Variants in PRKAR1A observed in about 807,000 individuals in gnomAD.
PRKAR1A encodes the protein protein kinase cAMP-dependent type I regulatory subunit alpha.
A neutral mutation model predicts 52.0 loss-of-function variants in PRKAR1A; 3 were observed. The observed-to-expected ratio is 0.06, with a 90% confidence interval of 0.03 to 0.15. The LOEUF (loss-of-function observed/expected upper bound fraction) is 0.15, where lower values mean the gene tolerates loss of function less well. Among genes scored for constraint, PRKAR1A ranks in the 10% least tolerant of loss-of-function variants. The pLI is 1.00. For missense variants in PRKAR1A, 240 were observed against 477.4 expected (o/e 0.50, Z 4.63); for synonymous variants, 188 against 168.4 (o/e 1.12, Z -0.90).
At chr17:68,523,653 T>G in intron 3 of PRKAR1A, 72 bp from the exon 4 acceptor site, 1 of 1,168,888 alleles carries the variant, frequency 8.6e-7, no homozygotes, top group Non-Finnish European at 1.3e-6. Context: ...GACATTTAAT[T>G]GAAGCGCAGG....
the PRKAR1A span, chr17:68,452,821 T>C: frequency 1.7e-6 from 2 of 1,205,128 alleles, no homozygotes; most frequent in South Asian, 1.3e-5. Flanking sequence ...AAGGGAAAAA[T>C]AGGCAGCTTG....
At chr17:68,490,591 C>CT in the PRKAR1A span, among the ~76,000 whole-genome samples, 29 of 150,470 alleles carry the variant, frequency 1.9e-4, 1 homozygote, top group Admixed American at 1.1e-3. Flanking sequence ...CAAAGGAAAA[C>CT]TTTTTTTTTT....
At chr17:68,520,725 A>G (rs148936989) in intron 2 of PRKAR1A, among the ~76,000 whole-genome samples, 152 of 152,312 alleles carry the variant, frequency 1.0e-3, no homozygotes, top group African/African-American at 3.4e-3. Context: ...GCTGTTTTTA[A>G]AAGACTCACT....
At chr17:68,512,711 C>G (rs937375775) in intron 1 of PRKAR1A, 163 bp downstream of exon 1, 1 of 152,172 alleles carries the variant, frequency 6.6e-6, no homozygotes, top group African/African-American at 2.4e-5. Flanking sequence ...CCCCGCAGGC[C>G]TCACGCCCCC....
the PRKAR1A span, chr17:68,435,497 A>G: frequency 3.1e-6 from 3 of 955,166 alleles, no homozygotes; most frequent in Non-Finnish European, 5.0e-6. Context: ...TCTGAAACAA[A>G]TTCTGAGTGG....
At chr17:68,430,024 C>T in the PRKAR1A span, 88 of 1,613,948 alleles carry the variant, frequency 5.5e-5, no homozygotes, top group East Asian at 6.7e-5. Flanking sequence ...TTCCTCTGTC[C>T]GGAGAAGTTC....
At chr17:68,477,832 C>T in the PRKAR1A span, among the ~76,000 whole-genome samples, 1 of 152,040 alleles carries the variant, frequency 6.6e-6, no homozygotes, top group South Asian at 2.1e-4. Context: ...AAGCGATTCT[C>T]CCACCTCAGC....
At chr17:68,537,761 G>C (rs1173191925), downstream of PRKAR1A, 1 of 1,602,462 alleles carries the variant, frequency 6.2e-7, no homozygotes, top group African/African-American at 1.3e-5. The surrounding 1 kb of genome is among the most constrained non-coding windows in gnomAD (Gnocchi z 4.2). Flanking sequence ...CAAAGTTACA[G>C]GAACCAAATA....
chr17:68,467,969 A>G, the PRKAR1A span, among the ~76,000 whole-genome samples: 1 of 152,032 alleles, frequency 6.6e-6, no homozygotes, highest in Admixed American at 6.6e-5. Context: ...ATCATGGCTC[A>G]CTGCAGCATT....
At chr17:68,426,254 G>GGGGGCCCCCCCCCCCCCC in the PRKAR1A span, 1 of 816,916 alleles carries the variant, frequency 1.2e-6, no homozygotes. Context: ...GGGAGCGGGG[G>GGGGGCCCCCCCCCCCCCC]CTCAAATAAA....
the PRKAR1A span, among the ~76,000 whole-genome samples, chr17:68,483,122 T>G: frequency 1.6e-5 from 1 of 60,992 alleles, no homozygotes; most frequent in Admixed American, 1.3e-4. Flanking sequence ...CTAGTTTGAG[T>G]TTTTTTTTTT....
rs771192586 is a variant in PRKAR1A at position 68,522,748 on chromosome 17, T to G, written c.178-8T>G. On this transcript the variant is annotated splice_polypyrimidine_tract_variant and splice_region_variant and intron_variant, in intron 2 of 10. Coordinates refer to ENST00000589228, the MANE Select transcript of PRKAR1A (RefSeq NM_002734.5). ...GATCTCATTTTGCAAACTCGTAATT[T>G]CTTTCAGGAGGAGGCAAAACAGATT... is the stretch of plus-strand genomic sequence containing the variant. 42 of 1,613,972 alleles carry G rather than the reference T, an allele frequency of 2.6e-5. No homozygotes were observed. The highest frequency in any genetic ancestry group is 2.9e-5 in the Non-Finnish European group (34 of 1,180,008).
the PRKAR1A span, among the ~76,000 whole-genome samples, chr17:68,453,996 A>G: frequency 6.6e-6 from 1 of 152,212 alleles, no homozygotes; most frequent in Non-Finnish European, 1.5e-5. Context: ...ATATCCTACA[A>G]AGCAATCATC....
the PRKAR1A span, among the ~76,000 whole-genome samples, chr17:68,439,430 T>C: frequency 6.6e-6 from 1 of 151,972 alleles, no homozygotes; most frequent in South Asian, 2.1e-4. Context: ...AATAGAGAAA[T>C]CCATAATCTA....
the PRKAR1A span, among the ~76,000 whole-genome samples, chr17:68,481,021 C>A: frequency 6.6e-6 from 1 of 152,250 alleles, no homozygotes; most frequent in Admixed American, 6.5e-5. Flanking sequence ...TGTAGCTTAT[C>A]GGTCTAACAG....
the PRKAR1A span, among the ~76,000 whole-genome samples, chr17:68,464,918 G>A: frequency 7.9e-6 from 1 of 127,368 alleles, no homozygotes; most frequent in Non-Finnish European, 1.6e-5. Context: ...TGAAAAGGGT[G>A]AGGAAGTGTG....
the PRKAR1A span, among the ~76,000 whole-genome samples, chr17:68,460,941 A>C: frequency 6.6e-6 from 1 of 152,194 alleles, no homozygotes. Flanking sequence ...ATTTAATGTC[A>C]GGCTGGTTTT....
chr17:68,540,831 C>A, intron 11 of PRKAR1A: 1 of 1,581,638 alleles, frequency 6.3e-7, no homozygotes. Flanking sequence ...TGCTGGGGGC[C>A]TGCGTGTGGG....
the PRKAR1A span, among the ~76,000 whole-genome samples, chr17:68,497,858 T>C: frequency 6.6e-6 from 1 of 152,056 alleles, no homozygotes; most frequent in African/African-American, 2.4e-5. Context: ...AATTGTAACA[T>C]GTGAGAGAAT....
Sources: allele counts gnomAD v4.1 joint callset (sites outside exome capture counted in the v4.1 genomes callset), GRCh38; gene constraint gnomAD v4.1.1; non-coding constraint Gnocchi (gnomAD v3.1); transcripts MANE v1.5; gene names NCBI Gene and HGNC (gene_info 2026-07-23, HGNC 2026-07-21).